The following SAMD12 variants were observed in gnomAD, a reference collection of about 807,000 sequenced individuals.
SAMD12 encodes the protein sterile alpha motif domain containing 12.
A neutral mutation model predicts 15.0 loss-of-function variants in SAMD12; 9 were observed. The ratio of observed to expected loss-of-function variants is 0.60; its 90% CI spans 0.36 to 1.05. The LOEUF is 1.05. Ranked by LOEUF, SAMD12 falls within the 50% of genes least tolerant of loss-of-function variation. SAMD12 has a pLI of 0.01. For synonymous variants in SAMD12, 86 were observed against 90.1 expected, an observed-to-expected ratio of 0.96 and a Z score of 0.25; for missense variants, 230 against 234.2, an observed-to-expected ratio of 0.98 and a Z score of 0.12.
At chr8:118,287,016 C>T (rs1814063176) in intron 4 of SAMD12, among the ~76,000 whole-genome samples, 1 of 152,032 alleles carries the variant, frequency 6.6e-6, no homozygotes, top group Non-Finnish European at 1.5e-5. Context: ...CATTTTTTCT[C>T]AGCTGTAAAA....
chr8:118,424,204 T>C lies in SAMD12; in HGVS notation c.322+15628A>G, dbSNP rs191295268. ...AACAAAAATTACACACATAAGTATA[T>C]GTGTATATCTACGCATTTATATAAT... On this transcript the variant is annotated intron_variant, in intron 3 of 3. Coordinates refer to ENST00000314727, the MANE Select transcript of SAMD12 (RefSeq NM_207506.3). Among the ~76,000 whole-genome samples, 79 of 152,314 alleles carry C rather than the reference T, an allele frequency of 5.2e-4. No homozygotes were observed. The East Asian group carries it at 0.014, about 26-fold the overall frequency.
chr8:118,609,827 G>C (rs1828064636), intron 1 of SAMD12, among the ~76,000 whole-genome samples: 1 of 152,148 alleles, frequency 6.6e-6, no homozygotes, highest in South Asian at 2.1e-4. Context: ...AGGGCAGTGG[G>C]AGGACCATGG....
intron 4 of SAMD12, among the ~76,000 whole-genome samples, chr8:118,324,624 G>C (rs16890828): frequency 1.3e-5 from 2 of 152,102 alleles, no homozygotes; most frequent in Non-Finnish European, 2.9e-5. Flanking sequence ...TTAAAGTAGG[G>C]GTAAGCCCAG....
the SAMD12 span, among the ~76,000 whole-genome samples, chr8:118,179,351 C>T: frequency 2.6e-4 from 39 of 151,030 alleles, no homozygotes; most frequent in Non-Finnish European, 4.6e-4. Context: ...GCAAGAGAAT[C>T]GCTTGAACCT....
chr8:118,396,550 A>C (rs1169349105), intron 3 of SAMD12, among the ~76,000 whole-genome samples: 1 of 152,196 alleles, frequency 6.6e-6, no homozygotes, highest in Non-Finnish European at 1.5e-5. Flanking sequence ...AGTTTTCCTG[A>C]GTGAATAAAT....
At chr8:118,243,839 T>C (rs1474262880) in intron 4 of SAMD12, among the ~76,000 whole-genome samples, 1 of 152,170 alleles carries the variant, frequency 6.6e-6, no homozygotes, top group East Asian at 1.9e-4. Context: ...GCTGAGCTTT[T>C]GGCAGTTGTA....
intron 4 of SAMD12, among the ~76,000 whole-genome samples, chr8:118,367,819 G>C (rs1039796206): frequency 6.6e-6 from 1 of 152,094 alleles, no homozygotes; most frequent in African/African-American, 2.4e-5. Context: ...CCATATGCTG[G>C]CTAGAGGAAC....
intron 3 of SAMD12, among the ~76,000 whole-genome samples, chr8:118,424,405 A>G (rs1421532534): frequency 6.6e-6 from 1 of 152,168 alleles, no homozygotes; most frequent in African/African-American, 2.4e-5. Flanking sequence ...GGAAAGGGAA[A>G]CTGAGGCTCA....
intron 4 of SAMD12, among the ~76,000 whole-genome samples, chr8:118,206,254 G>T (rs571886888): frequency 6.6e-6 from 1 of 152,286 alleles, no homozygotes; most frequent in African/African-American, 2.4e-5. Context: ...CAAAATCCAT[G>T]AACACACCTA....
the SAMD12 span, among the ~76,000 whole-genome samples, chr8:118,143,723 T>A: frequency 2.0e-5 from 3 of 152,190 alleles, no homozygotes; most frequent in African/African-American, 7.2e-5. Flanking sequence ...TGAGAGTATA[T>A]CAATCAGAGA....
chr8:118,537,719 C>G (rs143798068), intron 2 of SAMD12, among the ~76,000 whole-genome samples: 1 of 152,172 alleles, frequency 6.6e-6, no homozygotes, highest in Non-Finnish European at 1.5e-5. Context: ...GTTTCCTCAA[C>G]ACAGCGATTT....
intron 2 of SAMD12, among the ~76,000 whole-genome samples, chr8:118,518,897 G>T (rs1825316888): frequency 6.6e-6 from 1 of 152,178 alleles, no homozygotes; most frequent in South Asian, 2.1e-4. Context: ...TACACAGCAT[G>T]CATTCAATAA....
chr8:118,447,588 C>A (rs1489033120), intron 2 of SAMD12, among the ~76,000 whole-genome samples: 2 of 151,948 alleles, frequency 1.3e-5, no homozygotes, highest in Non-Finnish European at 2.9e-5. Flanking sequence ...CAGGCGTGAG[C>A]CACCGTGTCC....
intron 2 of SAMD12, among the ~76,000 whole-genome samples, chr8:118,511,447 TTTTTG>T (rs1203861748): frequency 2.1e-5 from 3 of 142,274 alleles, no homozygotes; most frequent in Non-Finnish European, 4.7e-5. Context: ...CTTGTTTTTG[TTTTTG>T]TTTTTTTTTT....
At chr8:118,496,471 A>C (rs1463603341) in intron 2 of SAMD12, among the ~76,000 whole-genome samples, 1 of 152,244 alleles carries the variant, frequency 6.6e-6, no homozygotes, top group Non-Finnish European at 1.5e-5. Flanking sequence ...GCAATGGAGA[A>C]AGGACTCCCT....
chr8:118,223,035 A>T (rs979227747), intron 4 of SAMD12, among the ~76,000 whole-genome samples: 2 of 152,202 alleles, frequency 1.3e-5, no homozygotes, highest in Admixed American at 6.5e-5. Flanking sequence ...ACTTATCATC[A>T]GAAATAGAAA....
chr8:118,366,018 A>G (rs1818747670), intron 4 of SAMD12, among the ~76,000 whole-genome samples: 1 of 152,164 alleles, frequency 6.6e-6, no homozygotes, highest in Non-Finnish European at 1.5e-5. Flanking sequence ...AAATCCATGT[A>G]TATAAGAACC....
chr8:118,546,271 T>C (rs931768161), intron 2 of SAMD12, among the ~76,000 whole-genome samples: 1 of 152,146 alleles, frequency 6.6e-6, no homozygotes, highest in Admixed American at 6.5e-5. Context: ...GCACTTAGCA[T>C]TAAATGAAGA....
intron 4 of SAMD12, among the ~76,000 whole-genome samples, chr8:118,356,884 A>G (rs1265632701): frequency 6.6e-6 from 1 of 152,060 alleles, no homozygotes; most frequent in Non-Finnish European, 1.5e-5. Context: ...TCTCCTCCCA[A>G]ATGCAATCCA....
Sources: gnomAD v4.1 joint callset for allele counts (sites outside exome capture counted in the v4.1 genomes callset) on GRCh38, gnomAD v4.1.1 for gene constraint, MANE v1.5 for transcripts, NCBI Gene and HGNC (gene_info 2026-07-23, HGNC 2026-07-21) for gene names.